The following MAML2 variants were observed in gnomAD, a reference collection of about 807,000 sequenced individuals.
The protein encoded by MAML2 is mastermind-like protein 2.
A neutral mutation model predicts 96.1 loss-of-function variants in MAML2; 22 were observed. That is an observed-to-expected ratio of 0.23 (90% CI 0.16 to 0.33). The LOEUF (loss-of-function observed/expected upper bound fraction) is 0.33, where lower values mean the gene tolerates loss of function less well. Ranked by LOEUF, MAML2 falls within the 10% of genes least tolerant of loss-of-function variation. The pLI is 1.00. For synonymous variants in MAML2, 561 were observed against 521.3 expected (o/e 1.08, Z -1.04); for missense variants, 1,367 against 1,392.4 (o/e 0.98, Z 0.29).
intron 1 of MAML2, among the ~76,000 whole-genome samples, chr11:96,099,041 C>G (rs1276960497): frequency 6.6e-6 from 1 of 152,230 alleles, no homozygotes; most frequent in Non-Finnish European, 1.5e-5. Flanking sequence ...ACAAAGGTAA[C>G]AATTCAGTCC....
chr11:96,092,543 G>C lies in MAML2; in HGVS notation c.1488C>G (p.Pro496=). 1 of 1,599,854 alleles carries C rather than the reference G, an allele frequency of 6.3e-7. No homozygotes were observed. Among genetic ancestry groups the C allele is most frequent in the South Asian group, 1.1e-5 (1 of 89,344 alleles). The change falls in exon 2 of 5, where the codon CCC becomes CCG. Residue 496 remains proline, a synonymous_variant. Transcript: ENST00000524717. The surrounding 1 kb of genome is among the most constrained non-coding windows in gnomAD (Gnocchi z 4.1). The stretch of plus-strand genomic sequence containing the variant: ...CGCTGCCGCCAGCTACCCCAGGCAT[G>C]GGGGAGCTCTGTGGGCTGAATGTCT... ...GQQTFSPQSS[P]MPGVAGGSGQ...
In MAML2 at chr11:96,308,341, A is replaced by G. The variant is rs542926736; in HGVS notation, c.513+33042T>C. The stretch of plus-strand genomic sequence containing the variant: ...TAGAATTCTGAAATATAACTGAAGC[A>G]TCTCTAACATACATATGGGTGACTG... On this transcript the variant is annotated intron_variant, in intron 1 of 4. Transcript: ENST00000524717. Among the ~76,000 whole-genome samples, 3 of 152,342 alleles carry G rather than the reference A, an allele frequency of 2.0e-5. No homozygotes were observed. In the East Asian group the frequency reaches 5.8e-4, roughly 29 times the overall value.
At chr11:96,130,838 CT>C (rs1860536649) in intron 1 of MAML2, among the ~76,000 whole-genome samples, 1 of 151,482 alleles carries the variant, frequency 6.6e-6, no homozygotes, top group Non-Finnish European at 1.5e-5. Flanking sequence ...AATACGCTTC[CT>C]ATTAACTTCT....
intron 1 of MAML2, among the ~76,000 whole-genome samples, chr11:96,202,645 G>A (rs887116519): frequency 1.3e-4 from 18 of 136,514 alleles, no homozygotes; most frequent in Non-Finnish European, 1.3e-4. Flanking sequence ...TTTTTTTTTT[G>A]AAACGGATTT....
At chr11:96,298,361 G>A (rs1473900927) in intron 1 of MAML2, among the ~76,000 whole-genome samples, 4 of 152,166 alleles carry the variant, frequency 2.6e-5, no homozygotes, top group Admixed American at 1.3e-4. Context: ...GGAGGATGCT[G>A]GTAACCAGTG....
Position 96,110,415 on chromosome 11 carries a change from C to T in MAML2, c.514-16898G>A, listed in dbSNP as rs1481301631. On this transcript the variant is annotated intron_variant, in intron 1 of 4. Coordinates refer to ENST00000524717, the MANE Select transcript of MAML2 (RefSeq NM_032427.4). ...CCTAATTCTTTCACTTTATGTTGTT[C>T]CTAGTCTTCCAAATTTTCCTCCTTT... is the stretch of plus-strand genomic sequence containing the variant. Among the ~76,000 whole-genome samples the T allele has an allele frequency of 2.0e-5, 3 of 152,172 alleles. No individual in the cohort carries two copies. The East Asian group carries it at 5.8e-4, about 29-fold the overall frequency.
chr11:96,157,756 G>T (rs1235585927), intron 1 of MAML2, among the ~76,000 whole-genome samples: 1 of 152,156 alleles, frequency 6.6e-6, no homozygotes, highest in South Asian at 2.1e-4. Flanking sequence ...TATAGATAAA[G>T]CTTGTACATG....
intron 2 of MAML2, among the ~76,000 whole-genome samples, chr11:96,009,471 C>T (rs554240668): frequency 1.5e-4 from 23 of 151,622 alleles, no homozygotes; most frequent in African/African-American, 5.6e-4. Flanking sequence ...CACTAAAGAT[C>T]TGAATAATTT....
intron 1 of MAML2, among the ~76,000 whole-genome samples, chr11:96,206,108 TAGA>T (rs1181501246): frequency 5.3e-5 from 8 of 151,964 alleles, no homozygotes; most frequent in South Asian, 4.1e-4. Context: ...GGTTAAGCAA[TAGA>T]AGTTTTTATG....
Position 96,032,586 on chromosome 11 carries a change from CAA to C in MAML2, c.2140-40865_2140-40864del, listed in dbSNP as rs59167571. Among the ~76,000 whole-genome samples, 247 of 91,420 alleles carry C rather than the reference CAA, an allele frequency of 2.7e-3. 1 individual carries two copies. Among genetic ancestry groups the C allele is most frequent in the African/African-American group, 9.3e-3 (226 of 24,364 alleles). 60.0% of individuals were successfully genotyped at this position (91,420 alleles called of 152,430 possible). A position where few individuals can be genotyped will look rare whatever the true frequency, so the allele number is the denominator to read the frequency against. On this transcript the variant is annotated intron_variant, in intron 2 of 4. Coordinates refer to ENST00000524717, the MANE Select transcript of MAML2 (RefSeq NM_032427.4). ...TGGGTGACAGAGCAAGAGTCTGTCT[CAA>C]AAAAAAAAAAAAAAAAAAGTTATGT...
intron 1 of MAML2, among the ~76,000 whole-genome samples, chr11:96,287,527 G>T (rs557869883): frequency 7.9e-5 from 12 of 152,102 alleles, no homozygotes; most frequent in Admixed American, 1.3e-4. Flanking sequence ...AATAAACTAA[G>T]AAAATTTAAT....
At chr11:96,241,731 T>A (rs1441430002) in intron 1 of MAML2, among the ~76,000 whole-genome samples, 1 of 152,222 alleles carries the variant, frequency 6.6e-6, no homozygotes, top group East Asian at 1.9e-4. Flanking sequence ...AGTCCTCCAC[T>A]TCCTGCTGGG....
At chr11:96,245,333 T>A (rs1337519625) in intron 1 of MAML2, among the ~76,000 whole-genome samples, 1 of 152,032 alleles carries the variant, frequency 6.6e-6, no homozygotes, top group Non-Finnish European at 1.5e-5. Context: ...GATATGAGAA[T>A]GTTTTGATAA....
chr11:95,979,112 T>C lies in MAML2; in HGVS notation c.3307A>G (p.Ser1103Gly). The change falls in exon 5 of 5, where the codon AGC (serine) becomes GGC (glycine). Residue 1103 changes from serine to glycine, a missense_variant. By Grantham distance (56) the Ser-to-Gly change is moderately conservative. Transcript: ENST00000524717. ...AGGAAGTCAAAAGCTAAGTCACTGCTGTGGTCAGTTCCTTGAAAAGCCCTG... is the reference window on the plus strand; with the variant it reads ...AGGAAGTCAAAAGCTAAGTCACTGCCGTGGTCAGTTCCTTGAAAAGCCCTG... The part of the protein sequence containing the change: ...SSRAFQGTDH[S>G]SDLAFDFLSQ... 6.2e-7 allele frequency: 1 copy of C among 1,614,020 alleles called. No homozygotes were observed. The highest frequency in any genetic ancestry group is 8.5e-7 in the Non-Finnish European group (1 of 1,179,884).
rs559355767 is a variant in MAML2 at position 96,326,365 on chromosome 11, GTGTGTGTGTGTGTGTGTGTGTGCATGTA to G, written c.513+14990_513+15017del. Among the ~76,000 whole-genome samples the G allele has an allele frequency of 3.2e-3, 478 of 151,170 alleles. 4 individuals are homozygous for G. The highest frequency in any genetic ancestry group is 5.6e-3 in the Non-Finnish European group (378 of 67,838). On this transcript the variant is annotated intron_variant, in intron 1 of 4. Transcript: ENST00000524717. ...TTTTTAATCACACTAAAGCGTGTGT[GTGTGTGTGTGTGTGTGTGTGTGCATGTA>G]TGTGTGTGTGTGTGTTTTAAATGCA...
At chr11:96,044,973 T>C (rs1858873002) in intron 2 of MAML2, among the ~76,000 whole-genome samples, 1 of 152,146 alleles carries the variant, frequency 6.6e-6, no homozygotes, top group Non-Finnish European at 1.5e-5. Flanking sequence ...ACAGGACCAC[T>C]GCAGATACAC....
intron 1 of MAML2, among the ~76,000 whole-genome samples, chr11:96,280,762 G>A (rs76302034): frequency 0.032 from 4,832 of 152,318 alleles, 92 homozygotes; most frequent in South Asian, 0.063. Flanking sequence ...ATGAGTGGTA[G>A]CTAAAAGTCC....
intron 2 of MAML2, among the ~76,000 whole-genome samples, chr11:96,034,540 T>A (rs1269316389): frequency 6.6e-6 from 1 of 151,802 alleles, no homozygotes; most frequent in Non-Finnish European, 1.5e-5. Flanking sequence ...TTAAAAATAA[T>A]TCCATCAACT....
At chr11:96,242,273 T>G (rs1395610763) in intron 1 of MAML2, among the ~76,000 whole-genome samples, 2 of 152,246 alleles carry the variant, frequency 1.3e-5, no homozygotes, top group African/African-American at 4.8e-5. Context: ...TTCCTGAAAC[T>G]GTTTACTTAA....
Sources: gnomAD v4.1 joint callset for allele counts (sites outside exome capture counted in the v4.1 genomes callset) on GRCh38, gnomAD v4.1.1 for gene constraint, Gnocchi (gnomAD v3.1) non-coding constraint, MANE v1.5 for transcripts, NCBI Gene and HGNC (gene_info 2026-07-23, HGNC 2026-07-21) for gene names.